Variants in CFTR observed in about 807,000 individuals in gnomAD.
The protein encoded by CFTR is cystic fibrosis transmembrane conductance regulator.
Under a neutral mutation model 171.6 loss-of-function variants are expected in CFTR, and 181 were observed. That is an observed-to-expected ratio of 1.05 (90% confidence interval 0.93 to 1.19). The LOEUF (loss-of-function observed/expected upper bound fraction) is 1.19, where lower values mean the gene tolerates loss of function less well. Among genes scored for constraint, CFTR ranks in the 50% most tolerant of loss-of-function variants. CFTR has a pLI of 0.00. For missense variants in CFTR, 1,968 were observed against 1,734.7 expected, an observed-to-expected ratio of 1.13 and a Z score of -2.39; for synonymous variants, 583 against 608.0, an observed-to-expected ratio of 0.96 and a Z score of 0.60.
intron 3 of CFTR, among the ~76,000 whole-genome samples, chr7:117,512,683 G>T (rs1449034524): frequency 6.7e-6 from 1 of 150,276 alleles, no homozygotes; most frequent in Non-Finnish European, 1.5e-5. Flanking sequence ...GAAACTGGCT[G>T]TTGAAAACCT....
At chr7:117,545,780 C>T (rs945014929) in intron 9 of CFTR, among the ~76,000 whole-genome samples, 30 of 151,988 alleles carry the variant, frequency 2.0e-4, no homozygotes, top group Non-Finnish European at 3.2e-4. Context: ...CCCTTTCTCA[C>T]TTAGCATATC....
chr7:117,545,358 G>C (rs1262958300), intron 9 of CFTR, among the ~76,000 whole-genome samples: 1 of 152,098 alleles, frequency 6.6e-6, no homozygotes, highest in Non-Finnish European at 1.5e-5. Context: ...AACCATATCA[G>C]CCTCCTTCTG....
chr7:117,483,684 G>A (rs1015988916), intron 1 of CFTR, among the ~76,000 whole-genome samples: 1 of 151,722 alleles, frequency 6.6e-6, no homozygotes, highest in African/African-American at 2.4e-5. Context: ...CTTGCCTCAC[G>A]AGTAGCTGGG....
chr7:117,522,311 A>G (rs971518506), intron 3 of CFTR, among the ~76,000 whole-genome samples: 1 of 152,234 alleles, frequency 6.6e-6, no homozygotes, highest in Non-Finnish European at 1.5e-5. Flanking sequence ...ATAATCAGAG[A>G]TGTTAGCACT....
At position 117,561,575 on chromosome 7, in the gene CFTR, G is replaced by GT. The variant is rs1362128088; in HGVS notation, c.1584+1926dup. Among the ~76,000 whole-genome samples, 11 of 152,150 alleles carry GT rather than the reference G, an allele frequency of 7.2e-5. No homozygotes were observed. The East Asian group carries it at 7.7e-4, about 11-fold the overall frequency. On this transcript the variant is annotated intron_variant, in intron 11 of 26. Transcript: ENST00000003084. ...CACATAAATGAAATAATATAATAGG[G>GT]TTTTTTGTGCCTAAATAAGCTTCTA... is the stretch of plus-strand genomic sequence containing the variant.
intron 11 of CFTR, among the ~76,000 whole-genome samples, chr7:117,585,251 A>G (rs977730269): frequency 6.6e-6 from 1 of 151,704 alleles, no homozygotes; most frequent in African/African-American, 2.4e-5. Flanking sequence ...TTAATATTTG[A>G]TTAACTTCCC....
intron 22 of CFTR, among the ~76,000 whole-genome samples, chr7:117,637,355 G>A (rs992908577): frequency 5.3e-5 from 8 of 151,922 alleles, no homozygotes; most frequent in Admixed American, 1.3e-4. Flanking sequence ...GGTGAGGGAA[G>A]TATTCTGTAG....
chr7:117,594,233 C>T (rs112748733), intron 14 of CFTR, among the ~76,000 whole-genome samples: 1 of 152,268 alleles, frequency 6.6e-6, no homozygotes, highest in African/African-American at 2.4e-5. Context: ...GCACTATATC[C>T]CAATTCCATA....
chr7:117,507,873 ACT>A (rs1191508114), intron 2 of CFTR, among the ~76,000 whole-genome samples: 1 of 151,648 alleles, frequency 6.6e-6, no homozygotes, highest in Non-Finnish European at 1.5e-5. Flanking sequence ...CTCACTGCAA[ACT>A]CTGCCTCCTG....
At chr7:117,533,334 C>G (rs1798893056) in intron 4 of CFTR, among the ~76,000 whole-genome samples, 1 of 152,110 alleles carries the variant, frequency 6.6e-6, no homozygotes, top group Non-Finnish European at 1.5e-5. Flanking sequence ...TCTAACTCCT[C>G]AAGAAAATCC....
Position 117,667,135 on chromosome 7 carries a change from C to T in CFTR, c.*27C>T, listed in dbSNP as rs1208995698. 1.2e-6 allele frequency: 2 copies of T among 1,600,594 alleles called. No homozygotes were observed. Among genetic ancestry groups the T allele is most frequent in the African/African-American group, 2.7e-5 (2 of 74,538 alleles). ...GAGCAGCATAAATGTTGACATGGGA[C>T]ATTTGCTCATGGAATTGGAGCTCGT... On this transcript the variant is annotated 3_prime_UTR_variant, in exon 27 of 27. Coordinates refer to ENST00000003084, the MANE Select transcript of CFTR (RefSeq NM_000492.4).
intron 23 of CFTR, among the ~76,000 whole-genome samples, chr7:117,651,839 G>A (rs1279827593): frequency 1.3e-5 from 2 of 152,250 alleles, no homozygotes; most frequent in South Asian, 2.1e-4. Flanking sequence ...GACTTGACTT[G>A]TGTGGTTCCT....
intron 24 of CFTR, among the ~76,000 whole-genome samples, chr7:117,654,288 A>T (rs780695194): frequency 1.3e-5 from 2 of 152,094 alleles, no homozygotes; most frequent in Non-Finnish European, 2.9e-5. Context: ...CTGGGCCTCT[A>T]CCTGGGCCCT....
chr7:117,534,290 A>G lies in CFTR; in HGVS notation c.504A>G (p.Ser168=). ...SLIYKKTLKL[S]SRVLDKISIG... ...TTTTCTTTTAGACTTTAAAGCTGTC[A>G]AGCCGTGTTCTAGATAAAATAAGTA... is the stretch of plus-strand genomic sequence containing the variant. Residue 168 remains serine (S), a synonymous_variant, in exon 5 of 27, where the codon TCA becomes TCG. Transcript: ENST00000003084. 1.9e-6 allele frequency: 3 copies of G among 1,586,338 alleles called. No homozygotes were observed. Among genetic ancestry groups the G allele is most frequent in the African/African-American group, 2.7e-5 (2 of 74,464 alleles).
At chr7:117,560,641 A>C (rs1413385751) in intron 11 of CFTR, 1 of 152,092 alleles carries the variant, frequency 6.6e-6, no homozygotes, top group African/African-American at 2.4e-5. Flanking sequence ...TCAGTCATTC[A>C]ACAGTTTTTT....
chr7:117,567,211 C>T (rs1189118992), intron 11 of CFTR, among the ~76,000 whole-genome samples: 1 of 152,182 alleles, frequency 6.6e-6, no homozygotes, highest in African/African-American at 2.4e-5. Context: ...TTAGCGTTTT[C>T]TATATTGAAC....
intron 7 of CFTR, among the ~76,000 whole-genome samples, chr7:117,537,979 G>A (rs149560267): frequency 6.8e-4 from 104 of 152,236 alleles, no homozygotes; most frequent in African/African-American, 2.3e-3. Flanking sequence ...ACTCATGGCT[G>A]GGTCATTCTT....
intron 24 of CFTR, among the ~76,000 whole-genome samples, chr7:117,663,041 G>C (rs771534512): frequency 5.9e-5 from 9 of 152,160 alleles, no homozygotes; most frequent in African/African-American, 9.7e-5. Flanking sequence ...GAAAATTCTT[G>C]TGGTGGGAAG....
chr7:117,533,207 G>A (rs1798891145), intron 4 of CFTR, among the ~76,000 whole-genome samples: 1 of 152,026 alleles, frequency 6.6e-6, no homozygotes, highest in Non-Finnish European at 1.5e-5. Flanking sequence ...GTGCAATTTA[G>A]CTCAGTGGAT....
Sources: allele counts gnomAD v4.1 joint callset (sites outside exome capture counted in the v4.1 genomes callset), GRCh38; gene constraint gnomAD v4.1.1; transcripts MANE v1.5; gene names NCBI Gene and HGNC (gene_info 2026-07-23, HGNC 2026-07-21).